SMIM9: variants seen among roughly 807,000 people sequenced by gnomAD.
SMIM9 encodes the protein small integral membrane protein 9, also known as chromosome X open reading frame 68.
In SMIM9, 8 loss-of-function variants were observed where a neutral mutation model predicts 7.2. The observed-to-expected ratio is 1.10, with a 90% CI of 0.65 to 1.99. The LOEUF is 1.99. Among genes scored for constraint, SMIM9 ranks in the 30% most tolerant of loss-of-function variants. SMIM9 has a pLI of 0.00. For missense variants in SMIM9, 76 were observed against 69.3 expected, an observed-to-expected ratio of 1.10 and a Z score of -0.34; for synonymous variants, 19 against 26.4, an observed-to-expected ratio of 0.72 and a Z score of 0.86.
intron 1 of SMIM9, 73 bp downstream of exon 1, chrX:154,834,490 T>G (rs2072460101): frequency 8.9e-6 from 1 of 112,412 alleles, no homozygotes; most frequent in African/African-American, 3.2e-5. Flanking sequence ...AGAATATGGC[T>G]GTCATATAAG....
chrX:154,826,017 A>G (rs1422650364), intron 4 of SMIM9, among the ~76,000 whole-genome samples: 2 of 110,447 alleles, frequency 1.8e-5, no homozygotes, highest in Non-Finnish European at 3.8e-5. Flanking sequence ...ACATGTATAC[A>G]TATGTAACAA....
At chrX:154,824,355 CAAAAAA>C (rs375492512) in intron 4 of SMIM9, among the ~76,000 whole-genome samples, 6 of 42,450 alleles carry the variant, frequency 1.4e-4, no homozygotes, top group African/African-American at 2.6e-4. Context: ...GACTCCGTCT[CAAAAAA>C]AAAAAAAAAA....
At chrX:154,828,972 T>C (rs2072433010) in intron 4 of SMIM9, among the ~76,000 whole-genome samples, 1 of 112,047 alleles carries the variant, frequency 8.9e-6, no homozygotes, top group Admixed American at 9.5e-5. Flanking sequence ...ACTTGGACTC[T>C]GTCTCCCACA....
chrX:154,828,421 T>A (rs2072430465), intron 4 of SMIM9, among the ~76,000 whole-genome samples: 1 of 111,239 alleles, frequency 9.0e-6, no homozygotes, highest in African/African-American at 3.3e-5. Flanking sequence ...GGAGTCCTGG[T>A]AGGTAGGCAT....
chrX:154,823,923 A>G, intron 4 of SMIM9, 141 bp from the exon 5 acceptor site: 1 of 536,041 alleles, frequency 1.9e-6, no homozygotes, highest in Non-Finnish European at 2.8e-6. Context: ...ACTTTGATGA[A>G]AAAGCAGAAT....
At chrX:154,833,087 T>G (rs1341828258) in intron 1 of SMIM9, among the ~76,000 whole-genome samples, 1 of 111,640 alleles carries the variant, frequency 9.0e-6, no homozygotes, top group Non-Finnish European at 1.9e-5. Context: ...GATAGAAAAT[T>G]CTATGTGTGG....
rs1050531458 is a variant in SMIM9, at chrX:154,823,550, T to A, written c.*205A>T. On this transcript the variant is annotated 3_prime_UTR_variant, in exon 5 of 5. Coordinates refer to ENST00000369529, the MANE Select transcript of SMIM9 (RefSeq NM_001162936.4). ...TTTTTGCAATAAATATGTATTACTA[T>A]TATAACCAAAACAGTAATAAGGATA... is the stretch of plus-strand genomic sequence containing the variant. 25 of 332,450 alleles carry A rather than the reference T, an allele frequency of 7.5e-5. No individual in the cohort carries two copies. Among genetic ancestry groups the A allele is most frequent in the Non-Finnish European group, 1.1e-4 (22 of 193,604 alleles). 27.4% of individuals were successfully genotyped at this position (332,450 alleles called of 1,213,427 possible). A position where few individuals can be genotyped will look rare whatever the true frequency, so the allele number is the denominator to read the frequency against.
chrX:154,832,093 C>T (rs782699215), intron 2 of SMIM9, among the ~76,000 whole-genome samples: 1 of 111,352 alleles, frequency 9.0e-6, no homozygotes, highest in East Asian at 2.8e-4. Context: ...TATCCAGGTG[C>T]TCAATAAATA....
chrX:154,834,156 T>G (rs4898397), intron 1 of SMIM9, among the ~76,000 whole-genome samples: 11,741 of 111,567 alleles, frequency 0.11, 613 homozygotes, highest in South Asian at 0.36. Flanking sequence ...AAAGGTGAGG[T>G]GAAGTGGAGA....
In SMIM9 at chrX:154,823,414, A is replaced by G. The variant is rs373172304; in HGVS notation, c.*341T>C. On this transcript the variant is annotated 3_prime_UTR_variant, in exon 5 of 5. Coordinates refer to ENST00000369529, the MANE Select transcript of SMIM9 (RefSeq NM_001162936.4). ...ACAGAACAGACTTTGGAAAACTTGT[A>G]ATACATATATAGAAAAAAATTGAAG... The G allele has an allele frequency of 1.1e-4, 18 of 168,244 alleles. No individual in the cohort carries two copies. The East Asian group carries it at 1.7e-3, about 16-fold the overall frequency. The allele number at this position is 168,244 out of a possible 1,213,427, so 13.9% of individuals were successfully genotyped here. A position where few individuals can be genotyped will look rare whatever the true frequency, so the allele number is the denominator to read the frequency against.
At chrX:154,825,030 C>T (rs1292619408) in intron 4 of SMIM9, among the ~76,000 whole-genome samples, 1 of 112,059 alleles carries the variant, frequency 8.9e-6, no homozygotes, top group Non-Finnish European at 1.9e-5. Context: ...CCCAATTTTT[C>T]CTGGGACTTG....
At chrX:154,824,281 C>G (rs1369736147) in intron 4 of SMIM9, among the ~76,000 whole-genome samples, 1 of 94,363 alleles carries the variant, frequency 1.1e-5, no homozygotes, top group Admixed American at 1.4e-4. Flanking sequence ...GGCGTGAACC[C>G]GGAGGCGGAG....
rs1329686995 is a variant in SMIM9 at position 154,823,921 on chromosome X, G to A, written c.273-139C>T. 9 of 528,480 alleles carry A rather than the reference G, an allele frequency of 1.7e-5. No individual in the cohort carries two copies. In the Admixed American group the frequency reaches 2.3e-4, roughly 14 times the overall value. The allele number at this position is 528,480 out of a possible 1,213,427, so 43.6% of individuals were successfully genotyped here. A position where few individuals can be genotyped will look rare whatever the true frequency, so the allele number is the denominator to read the frequency against. ...TTCCATACAAACAAAATACTTTGAT[G>A]AAAAAGCAGAATAAGAATGTGTTTC... On this transcript the variant is annotated intron_variant, in intron 4 of 4. Transcript: ENST00000369529.
intron 4 of SMIM9, among the ~76,000 whole-genome samples, chrX:154,824,640 G>A (rs1013914913): frequency 1.8e-5 from 2 of 111,959 alleles, no homozygotes; most frequent in Non-Finnish European, 3.8e-5. Flanking sequence ...ATTATCCTTA[G>A]TACTCAGTGT....
chrX:154,828,711 G>A (rs1452278106), intron 4 of SMIM9, among the ~76,000 whole-genome samples: 1 of 111,875 alleles, frequency 8.9e-6, no homozygotes, highest in Non-Finnish European at 1.9e-5. Context: ...CCATGTGCCA[G>A]TAACCACATC....
At chrX:154,834,260 C>T (rs782162238) in intron 1 of SMIM9, among the ~76,000 whole-genome samples, 3 of 112,277 alleles carry the variant, frequency 2.7e-5, no homozygotes, top group South Asian at 3.7e-4. Context: ...CTTCTAACTT[C>T]GATGGTGGAG....
intron 4 of SMIM9, chrX:154,827,604 G>T (rs2072426860): frequency 8.9e-6 from 1 of 112,413 alleles, no homozygotes; most frequent in South Asian, 3.7e-4. Context: ...CCAAATCTCA[G>T]TACTGTGGTC....
intron 4 of SMIM9, among the ~76,000 whole-genome samples, 170 bp from the exon 5 acceptor site, chrX:154,823,952 C>T (rs2072407490): frequency 8.9e-6 from 1 of 112,260 alleles, no homozygotes; most frequent in Non-Finnish European, 1.9e-5. Context: ...GTTTCCAGTA[C>T]AGTGGGGCTT....
At chrX:154,823,809 T>A in intron 4 of SMIM9, 27 bp from the exon 5 acceptor site, 2 of 1,151,351 alleles carry the variant, frequency 1.7e-6, no homozygotes, top group Non-Finnish European at 2.3e-6. Context: ...AAATGGTGAA[T>A]GCTCTGCACA....
Sources: gnomAD v4.1 joint callset for allele counts (sites outside exome capture counted in the v4.1 genomes callset) on GRCh38, gnomAD v4.1.1 for gene constraint, MANE v1.5 for transcripts, NCBI Gene and HGNC (gene_info 2026-07-23, HGNC 2026-07-21) for gene names.